Variants in ITGA2 observed in about 807,000 individuals in gnomAD.
The protein encoded by ITGA2 is integrin subunit alpha 2, also known as integrin alpha-2.
A neutral mutation model predicts 146.3 loss-of-function variants in ITGA2; 101 were observed. That is an observed-to-expected ratio of 0.69 (90% CI 0.59 to 0.81). ITGA2 has a LOEUF of 0.81. Ranked by LOEUF, ITGA2 falls within the 40% of genes least tolerant of loss-of-function variation. The probability of loss-of-function intolerance (pLI) is 0.00; values close to 1 mark genes in which losing one functional copy is unlikely to be tolerated. For missense variants in ITGA2, 1,281 were observed against 1,402.7 expected (o/e 0.91, Z 1.39); for synonymous variants, 477 against 487.1 (o/e 0.98, Z 0.27).
At chr5:53,064,089 G>A (rs1745030555) in intron 13 of ITGA2, among the ~76,000 whole-genome samples, 2 of 151,838 alleles carry the variant, frequency 1.3e-5, no homozygotes, top group African/African-American at 2.4e-5. Context: ...CTTTTCCTTT[G>A]CACAGAATTA....
rs1385070835 is a variant in ITGA2 at position 53,094,044 on chromosome 5, A to G, written c.*3445A>G. Reference sequence around the variant, plus strand: ...TATACTAAAAATTATTATAAAGGTTATAATTTTATAATGTATTTACCTGTC... The same window carrying G: ...TATACTAAAAATTATTATAAAGGTTGTAATTTTATAATGTATTTACCTGTC... On this transcript the variant is annotated 3_prime_UTR_variant, in exon 30 of 30. Transcript: ENST00000296585. 3.3e-5 allele frequency: 5 copies of G among 152,660 alleles called. No homozygotes were observed. The highest frequency in any genetic ancestry group is 4.8e-5 in the African/African-American group (2 of 41,464). 9.5% of individuals were successfully genotyped at this position (152,660 alleles called of 1,614,324 possible).
At position 53,078,804 on chromosome 5, in the gene ITGA2, C is replaced by T. The variant is rs139990839; in HGVS notation, c.2858C>T (p.Ser953Leu). Residue 953 changes from serine (S) to leucine (L), a missense_variant, in exon 24 of 30, where the codon TCG becomes TTG. Transcript: ENST00000296585. Reference protein sequence around the residue: ...STNINFYEISSDGNVPSIVHS... With the variant: ...STNINFYEISLDGNVPSIVHS... ...AACATAAATTTTTATGAAATCTCTT[C>T]GGATGGGAATGTTCCTTCAATCGTG... is the stretch of plus-strand genomic sequence containing the variant. 6.8e-5 allele frequency: 109 copies of T among 1,610,162 alleles called. No homozygotes were observed. The highest frequency in any genetic ancestry group is 8.7e-5 in the Non-Finnish European group (102 of 1,177,142).
chr5:53,032,802 C>T (rs1450179245), intron 2 of ITGA2, among the ~76,000 whole-genome samples: 3 of 152,080 alleles, frequency 2.0e-5, no homozygotes, highest in Admixed American at 6.6e-5. Context: ...CTATCATAGA[C>T]AGGAATTTCT....
At chr5:53,019,371 C>T (rs1053234963) in intron 1 of ITGA2, among the ~76,000 whole-genome samples, 10 of 152,112 alleles carry the variant, frequency 6.6e-5, no homozygotes, top group Admixed American at 1.3e-4. Flanking sequence ...TGTATCGTTC[C>T]GAGTAGTGTG....
intron 23 of ITGA2, 79 bp downstream of exon 23, chr5:53,075,383 T>G (rs1259150618): frequency 2.2e-5 from 23 of 1,038,704 alleles, no homozygotes; most frequent in Non-Finnish European, 3.5e-5. Context: ...GCTAAAGAAG[T>G]CCTCTGTATG....
chr5:53,064,127 A>G (rs1745032493), intron 13 of ITGA2, among the ~76,000 whole-genome samples: 1 of 151,964 alleles, frequency 6.6e-6, no homozygotes, highest in Non-Finnish European at 1.5e-5. Context: ...TGGAGATATT[A>G]ACAATCTCAT....
intron 17 of ITGA2, among the ~76,000 whole-genome samples, chr5:53,071,730 T>C (rs1745406627): frequency 6.6e-6 from 1 of 151,972 alleles, no homozygotes; most frequent in African/African-American, 2.4e-5. Flanking sequence ...TTTGGTTTCT[T>C]AGTAGAAGAG....
chr5:53,017,125 G>C (rs773149457), intron 1 of ITGA2, among the ~76,000 whole-genome samples: 13 of 152,180 alleles, frequency 8.5e-5, no homozygotes, highest in Non-Finnish European at 1.5e-4. Context: ...CATTGCTGGG[G>C]AACTAGTGCT....
At chr5:53,006,808 TA>T (rs1257827961) in intron 1 of ITGA2, among the ~76,000 whole-genome samples, 1 of 152,122 alleles carries the variant, frequency 6.6e-6, no homozygotes, top group Non-Finnish European at 1.5e-5. Flanking sequence ...TGCAAAAGGT[TA>T]AGGTCACCGT....
chr5:53,071,889 A>G, intron 17 of ITGA2, 49 bp from the exon 18 acceptor site: 3 of 1,370,424 alleles, frequency 2.2e-6, no homozygotes, highest in Non-Finnish European at 3.1e-6. Context: ...CTATGCTCTA[A>G]TAAACTGACT....
At chr5:53,018,997 G>T (rs1051610791) in intron 1 of ITGA2, among the ~76,000 whole-genome samples, 1 of 152,102 alleles carries the variant, frequency 6.6e-6, no homozygotes, top group African/African-American at 2.4e-5. Flanking sequence ...CCGGGAGGCG[G>T]AGGTTGCAGT....
intron 1 of ITGA2, among the ~76,000 whole-genome samples, chr5:53,012,514 A>G (rs1256116188): frequency 6.6e-6 from 1 of 152,148 alleles, no homozygotes; most frequent in Non-Finnish European, 1.5e-5. Flanking sequence ...GTGGGCATTT[A>G]GGTTGACTCC....
At chr5:53,037,600 C>G (rs779372042) in intron 2 of ITGA2, among the ~76,000 whole-genome samples, 2 of 152,136 alleles carry the variant, frequency 1.3e-5, no homozygotes, top group African/African-American at 2.4e-5. Flanking sequence ...CTAGCCTCTT[C>G]TTATGAGGGT....
At chr5:53,016,307 T>A (rs1462110050) in intron 1 of ITGA2, among the ~76,000 whole-genome samples, 1 of 152,246 alleles carries the variant, frequency 6.6e-6, no homozygotes, top group Non-Finnish European at 1.5e-5. Context: ...TAGCATTTGC[T>A]TATCTGAAAA....
chr5:53,013,962 A>C (rs949820110), intron 1 of ITGA2, among the ~76,000 whole-genome samples: 5 of 152,154 alleles, frequency 3.3e-5, no homozygotes, highest in African/African-American at 1.2e-4. Flanking sequence ...TTGTATCCTG[A>C]AACTTTGTTG....
intron 25 of ITGA2, 132 bp downstream of exon 25, chr5:53,080,753 G>T: frequency 2.8e-6 from 2 of 708,844 alleles, no homozygotes; most frequent in South Asian, 1.6e-5. Context: ...GGTGCCAACT[G>T]ACTAGCAGTT....
chr5:53,050,207 T>A (rs1744284984), intron 6 of ITGA2, among the ~76,000 whole-genome samples: 1 of 152,216 alleles, frequency 6.6e-6, no homozygotes, highest in African/African-American at 2.4e-5. Flanking sequence ...CTTCCTCTTT[T>A]GTGTCTTCCT....
chr5:53,056,269 T>A, intron 9 of ITGA2, 120 bp downstream of exon 9: 1 of 774,924 alleles, frequency 1.3e-6, no homozygotes, highest in Admixed American at 2.7e-5. Context: ...GCTACTACAA[T>A]CAGTAAGAGA....
intron 25 of ITGA2, 125 bp from the exon 26 acceptor site, chr5:53,081,467 G>T: frequency 1.3e-6 from 1 of 741,516 alleles, no homozygotes; most frequent in Non-Finnish European, 2.4e-6. Flanking sequence ...GGTCAGTGGC[G>T]TTGAAAGAAG....
Sources: gnomAD v4.1 joint callset for allele counts (sites outside exome capture counted in the v4.1 genomes callset) on GRCh38, gnomAD v4.1.1 for gene constraint, MANE v1.5 for transcripts, NCBI Gene and HGNC (gene_info 2026-07-23, HGNC 2026-07-21) for gene names.